Variants in MB21D2 observed in about 807,000 individuals in gnomAD.
MB21D2 encodes the protein nucleotidyltransferase MB21D2.
MB21D2 carries 9 observed loss-of-function variants against 33.3 expected under a neutral mutation model. The ratio of observed to expected loss-of-function variants is 0.27; its 90% CI spans 0.16 to 0.47. The LOEUF (loss-of-function observed/expected upper bound fraction) is 0.47, where lower values mean the gene tolerates loss of function less well. Ranked by LOEUF, MB21D2 falls within the 20% of genes least tolerant of loss-of-function variation. MB21D2 has a pLI of 0.99. For synonymous variants in MB21D2, 241 were observed against 236.3 expected, an observed-to-expected ratio of 1.02 and a Z score of -0.18; for missense variants, 540 against 624.6, an observed-to-expected ratio of 0.86 and a Z score of 1.44.
At chr3:192,888,489 T>C (rs1462756652) in intron 1 of MB21D2, among the ~76,000 whole-genome samples, 3 of 152,102 alleles carry the variant, frequency 2.0e-5, no homozygotes, top group Non-Finnish European at 2.9e-5. Flanking sequence ...TTTCTACCCA[T>C]AGAAAATCTT....
Position 192,797,562 on chromosome 3 carries a change from G to C in MB21D2, c.*824C>G, listed in dbSNP as rs1207732671. ...CAAAATGAAAAAATGATAGAATTTC[G>C]AGAGTGGTTGTTAATTTATATTGAA... On this transcript the variant is annotated 3_prime_UTR_variant, in exon 2 of 2. Transcript: ENST00000392452. The C allele has an allele frequency of 6.6e-6, 1 of 152,576 alleles. No individual in the cohort carries two copies. The highest frequency in any genetic ancestry group is 1.5e-5 in the Non-Finnish European group (1 of 68,042). The allele number at this position is 152,576 out of a possible 1,614,324, so 9.5% of individuals were successfully genotyped here. A position where few individuals can be genotyped will look rare whatever the true frequency, so the allele number is the denominator to read the frequency against.
Position 192,857,480 on chromosome 3 carries a change from G to T in MB21D2, c.212-57830C>A, listed in dbSNP as rs115050971. Among the ~76,000 whole-genome samples, 561 of 152,162 alleles carry T rather than the reference G, an allele frequency of 3.7e-3. 5 individuals carry two copies. The highest frequency in any genetic ancestry group is 0.013 in the African/African-American group (526 of 41,488). On this transcript the variant is annotated intron_variant, in intron 1 of 1. Coordinates refer to ENST00000392452, the MANE Select transcript of MB21D2 (RefSeq NM_178496.4). ...AGGCATCTCCAACCCAGGCCAGAAG[G>T]AGCCGAGCACAGCCTAGAGCTGCTG... is the stretch of plus-strand genomic sequence containing the variant.
At chr3:192,910,013 AAAGT>A (rs1391418081) in intron 1 of MB21D2, among the ~76,000 whole-genome samples, 1 of 151,258 alleles carries the variant, frequency 6.6e-6, no homozygotes, top group African/African-American at 2.4e-5. Flanking sequence ...GCAAAGAAAG[AAAGT>A]GAGAAATTGG....
chr3:192,862,980 A>G (rs1713084073), intron 1 of MB21D2, among the ~76,000 whole-genome samples: 1 of 152,168 alleles, frequency 6.6e-6, no homozygotes, highest in South Asian at 2.1e-4. Context: ...TTGTAAGGGC[A>G]CTAATCCCAC....
chr3:192,915,464 C>T (rs1008986110), intron 1 of MB21D2, among the ~76,000 whole-genome samples: 3 of 152,202 alleles, frequency 2.0e-5, no homozygotes, highest in Admixed American at 6.5e-5. Context: ...TGCAGCACCA[C>T]ACACAGGCAA....
chr3:192,880,431 ATATTTATTAG>A (rs1713535323), intron 1 of MB21D2, among the ~76,000 whole-genome samples: 1 of 152,082 alleles, frequency 6.6e-6, no homozygotes, highest in Admixed American at 6.5e-5. Context: ...GGGGTTCAAG[ATATTTATTAG>A]AAGAACTATC....
chr3:192,892,253 C>A (rs1362522656), intron 1 of MB21D2, among the ~76,000 whole-genome samples: 1 of 152,134 alleles, frequency 6.6e-6, no homozygotes, highest in Non-Finnish European at 1.5e-5. Flanking sequence ...GCTCACTGGT[C>A]CCCACATCCA....
chr3:192,909,628 G>A (rs1714295145), intron 1 of MB21D2, among the ~76,000 whole-genome samples: 3 of 151,930 alleles, frequency 2.0e-5, no homozygotes, highest in Admixed American at 1.3e-4. Context: ...CCCAGGTTAG[G>A]GAACTCTGAT....
chr3:192,864,592 G>A (rs1035210815), intron 1 of MB21D2, among the ~76,000 whole-genome samples: 6 of 151,982 alleles, frequency 3.9e-5, no homozygotes, highest in African/African-American at 9.7e-5. Context: ...CTGCAACCTC[G>A]GCCTCCTGGG....
chr3:192,901,895 A>G (rs1714110932), intron 1 of MB21D2, among the ~76,000 whole-genome samples: 1 of 152,164 alleles, frequency 6.6e-6, no homozygotes, highest in African/African-American at 2.4e-5. Flanking sequence ...CTGAAATTAA[A>G]CCCATTGGGG....
intron 1 of MB21D2, among the ~76,000 whole-genome samples, chr3:192,860,047 G>A (rs1055122969): frequency 2.0e-5 from 3 of 152,192 alleles, no homozygotes; most frequent in Non-Finnish European, 4.4e-5. Flanking sequence ...AGACCACCCT[G>A]GTGTCCCCAA....
At chr3:192,904,240 G>A (rs1714160652) in intron 1 of MB21D2, among the ~76,000 whole-genome samples, 1 of 152,132 alleles carries the variant, frequency 6.6e-6, no homozygotes, top group Non-Finnish European at 1.5e-5. Flanking sequence ...CAGGACACCG[G>A]GTTCTAGTCA....
rs193265978 is a variant in MB21D2, at chr3:192,813,358, A to G, written c.212-13708T>C. 1.4e-3 allele frequency among the ~76,000 whole-genome samples: 206 copies of G among 151,816 alleles called. 2 individuals are homozygous for G. The highest frequency in any genetic ancestry group is 4.7e-3 in the African/African-American group (194 of 41,312). On this transcript the variant is annotated intron_variant, in intron 1 of 1. Transcript: ENST00000392452. ...CAGTTTCCAGGAATAAAAGAAAAAG[A>G]AGTCAGAGGAAACAGTCTTTGATGT...
Position 192,814,690 on chromosome 3 carries a change from G to A in MB21D2, c.212-15040C>T, listed in dbSNP as rs552115282. ...ATCCTGGCTAACACGGTGAAACCCT[G>A]TCTCTACTAAAAAAAATACAAAAAA... On this transcript the variant is annotated intron_variant, in intron 1 of 1. Coordinates refer to ENST00000392452, the MANE Select transcript of MB21D2 (RefSeq NM_178496.4). 1.0e-3 allele frequency among the ~76,000 whole-genome samples: 156 copies of A among 149,532 alleles called. No individual in the cohort carries two copies. In the East Asian group the frequency reaches 0.025, roughly 24 times the overall value.
In MB21D2 at chr3:192,917,809, G is replaced by A. The variant is rs201364021; in HGVS notation, c.32C>T (p.Ala11Val). 1.1e-4 allele frequency: 182 copies of A among 1,611,252 alleles called. No individual in the cohort carries two copies. The highest frequency in any genetic ancestry group is 1.5e-4 in the Non-Finnish European group (174 of 1,178,914). ...CTTGTTGTTACAGCCCAGGGAGGCT[G>A]CCTTGTTGGCGGTGGGAGCCGCCAT... MKMAAPTANK[A>V]ASLGCNNKPA... is the part of the protein sequence containing the mutation. Residue 11 changes from alanine (A) to valine (V), a missense_variant, in exon 1 of 2, where the codon GCA (alanine) becomes GTA (valine). Physicochemically the swap from Ala to Val is moderately conservative, Grantham distance 64. Transcript: ENST00000392452.
intron 1 of MB21D2, among the ~76,000 whole-genome samples, chr3:192,896,413 G>A (rs990422217): frequency 2.1e-5 from 3 of 140,250 alleles, no homozygotes; most frequent in Non-Finnish European, 4.7e-5. Flanking sequence ...GTCCCCTGTT[G>A]TGCAGTCATA....
At chr3:192,849,395 G>A (rs1712746481) in intron 1 of MB21D2, among the ~76,000 whole-genome samples, 2 of 151,282 alleles carry the variant, frequency 1.3e-5, no homozygotes, top group South Asian at 4.2e-4. Flanking sequence ...TCGGCTCACT[G>A]CAACCTCCGC....
At chr3:192,847,665 C>G (rs1464289229) in intron 1 of MB21D2, among the ~76,000 whole-genome samples, 1 of 152,212 alleles carries the variant, frequency 6.6e-6, no homozygotes, top group African/African-American at 2.4e-5. Flanking sequence ...AACACAGCAG[C>G]AGATCAGTTG....
At chr3:192,831,256 A>T (rs1005463782) in intron 1 of MB21D2, among the ~76,000 whole-genome samples, 3 of 152,198 alleles carry the variant, frequency 2.0e-5, no homozygotes, top group African/African-American at 7.2e-5. Flanking sequence ...TCCCAACTGC[A>T]GCACCAACTT....
Sources: allele counts gnomAD v4.1 joint callset (sites outside exome capture counted in the v4.1 genomes callset), GRCh38; gene constraint gnomAD v4.1.1; transcripts MANE v1.5; gene names NCBI Gene and HGNC (gene_info 2026-07-23, HGNC 2026-07-21).